Variants in SAMD5 observed in about 807,000 individuals in gnomAD.
SAMD5 encodes the protein sterile alpha motif domain-containing protein 5.
SAMD5 carries 13 observed loss-of-function variants against 11.3 expected under a neutral mutation model. The observed-to-expected ratio is 1.15, with a 90% CI of 0.75 to 1.83. The LOEUF is 1.83. SAMD5 is among the 40% of genes most tolerant of loss of function. SAMD5 has a pLI of 0.00. For synonymous variants in SAMD5, 129 were observed against 111.3 expected (o/e 1.16, Z -1.00); for missense variants, 255 against 239.1 (o/e 1.07, Z -0.44).
chr6:147,808,404 A>G, the SAMD5 span, among the ~76,000 whole-genome samples: 2 of 152,048 alleles, frequency 1.3e-5, no homozygotes, highest in African/African-American at 4.8e-5. Context: ...GAGTCTCACT[A>G]TGTTGCCCAG....
chr6:147,846,739 A>G, the SAMD5 span, among the ~76,000 whole-genome samples: 1 of 152,158 alleles, frequency 6.6e-6, no homozygotes, highest in Non-Finnish European at 1.5e-5. Flanking sequence ...AGAATTGCTT[A>G]AACCTGGGAG....
chr6:147,569,685 T>C lies in SAMD5; in HGVS notation c.*5229T>C. The C allele has an allele frequency of 2.0e-6, 2 of 985,378 alleles. No individual in the cohort carries two copies. Among genetic ancestry groups the C allele is most frequent in the Non-Finnish European group, 2.4e-6 (2 of 829,882 alleles). The allele number at this position is 985,378 out of a possible 1,614,324, so 61.0% of individuals were successfully genotyped here. A position where few individuals can be genotyped will look rare whatever the true frequency, so the allele number is the denominator to read the frequency against. The stretch of plus-strand genomic sequence containing the variant: ...CCCTGTTCCCCAAGCTTGTCAATGT[T>C]TAGAGATACTATTCGGGTTGCTAAA... On this transcript the variant is annotated 3_prime_UTR_variant, in exon 2 of 2. Coordinates refer to ENST00000367474, the MANE Select transcript of SAMD5 (RefSeq NM_001030060.3).
intron 1 of SAMD5, among the ~76,000 whole-genome samples, chr6:147,558,785 C>T (rs1005096476): frequency 6.6e-6 from 1 of 151,954 alleles, no homozygotes; most frequent in Non-Finnish European, 1.5e-5. Flanking sequence ...TTACCCCACT[C>T]CCCTTTAAGG....
intron 1 of SAMD5, among the ~76,000 whole-genome samples, chr6:147,597,565 A>T (rs988429367): frequency 6.6e-6 from 1 of 152,234 alleles, no homozygotes; most frequent in Admixed American, 6.5e-5. Flanking sequence ...AAGCGTACTT[A>T]CAAAATTAAA....
At chr6:147,936,347 A>C in the SAMD5 span, among the ~76,000 whole-genome samples, 19 of 151,736 alleles carry the variant, frequency 1.3e-4, no homozygotes, top group Admixed American at 1.2e-3. Context: ...TAGCACTAGC[A>C]TCTGCTTCTG....
chr6:147,643,067 A>G (rs771366492), intron 1 of SAMD5, among the ~76,000 whole-genome samples: 3 of 152,194 alleles, frequency 2.0e-5, no homozygotes, highest in Non-Finnish European at 2.9e-5. Flanking sequence ...CTGGTGAGGA[A>G]TACTTCAGCT....
intron 1 of SAMD5, among the ~76,000 whole-genome samples, chr6:147,615,689 A>G (rs2050186): frequency 0.1 from 15,407 of 152,262 alleles, 980 homozygotes; most frequent in Middle Eastern, 0.19. Context: ...TCCAAATATT[A>G]ATAAATATTT....
chr6:147,763,017 A>G, the SAMD5 span, among the ~76,000 whole-genome samples: 1 of 152,202 alleles, frequency 6.6e-6, no homozygotes, highest in Non-Finnish European at 1.5e-5. Flanking sequence ...CAAAATTTTA[A>G]AAAAAGCTTG....
chr6:147,864,094 G>T, the SAMD5 span, among the ~76,000 whole-genome samples: 1 of 151,708 alleles, frequency 6.6e-6, no homozygotes, highest in South Asian at 2.1e-4. Flanking sequence ...AACCCACTTC[G>T]GTCTCCCAAA....
Position 147,568,683 on chromosome 6 carries a change from T to G in SAMD5, c.*4227T>G. On this transcript the variant is annotated 3_prime_UTR_variant, in exon 2 of 2. Coordinates refer to ENST00000367474, the MANE Select transcript of SAMD5 (RefSeq NM_001030060.3). ...AATGAGTTGTGCAGAGCAGAGCAAA[T>G]CTATTAGGCTTTCTCTTTTAGAGTT... 1.0e-6 allele frequency: 1 copy of G among 985,320 alleles called. No homozygotes were observed. The highest frequency in any genetic ancestry group is 1.2e-6 in the Non-Finnish European group (1 of 829,856). The allele number at this position is 985,320 out of a possible 1,614,324, so 61.0% of individuals were successfully genotyped here.
the SAMD5 span, among the ~76,000 whole-genome samples, chr6:147,820,438 G>A: frequency 2.0e-5 from 3 of 152,024 alleles, no homozygotes; most frequent in Admixed American, 1.3e-4. Context: ...AAGAAAACAG[G>A]CTTTTCTCAC....
chr6:147,564,658 G>A lies in SAMD5; in HGVS notation c.*202G>A, dbSNP rs538915816. 38 of 1,350,764 alleles carry A rather than the reference G, an allele frequency of 2.8e-5. No individual in the cohort carries two copies. The East Asian group carries it at 8.9e-4, about 32-fold the overall frequency. The allele number at this position is 1,350,764 out of a possible 1,614,324, so 83.7% of individuals were successfully genotyped here. On this transcript the variant is annotated 3_prime_UTR_variant, in exon 2 of 2. Transcript: ENST00000367474. The stretch of plus-strand genomic sequence containing the variant: ...TTATAACAGCTAGAAATAAGGCAGT[G>A]AACTATCACGCATAAAGAAGTATTG...
chr6:147,673,219 T>A, intron 1 of SAMD5, among the ~76,000 whole-genome samples: 1 of 123,132 alleles, frequency 8.1e-6, no homozygotes, highest in African/African-American at 2.9e-5. Flanking sequence ...CAAAAACCAT[T>A]TTTTTTTTTT....
chr6:147,523,124 C>A (rs929351379), intron 1 of SAMD5, among the ~76,000 whole-genome samples: 23 of 152,076 alleles, frequency 1.5e-4, no homozygotes, highest in African/African-American at 5.6e-4. Context: ...CACCCCAGAC[C>A]TTTCAGTGAA....
At chr6:147,777,432 C>T in the SAMD5 span, among the ~76,000 whole-genome samples, 1 of 152,172 alleles carries the variant, frequency 6.6e-6, no homozygotes, top group African/African-American at 2.4e-5. Context: ...AAACTATTTG[C>T]TTGGCCTCCA....
At chr6:147,529,661 T>G (rs755879004) in intron 1 of SAMD5, among the ~76,000 whole-genome samples, 1 of 152,220 alleles carries the variant, frequency 6.6e-6, no homozygotes. Flanking sequence ...AATGATTTCC[T>G]TGGGTCATTT....
In SAMD5 at chr6:147,567,098, A is replaced by G; in HGVS notation, c.*2642A>G. On this transcript the variant is annotated 3_prime_UTR_variant, in exon 2 of 2. Coordinates refer to ENST00000367474, the MANE Select transcript of SAMD5 (RefSeq NM_001030060.3). ...ATAATATTGAGGAGTCTGGAGGGTCATAGCAAAATTTTCTTTAGTTCATCT... is the reference window on the plus strand; with the variant it reads ...ATAATATTGAGGAGTCTGGAGGGTCGTAGCAAAATTTTCTTTAGTTCATCT... The G allele has an allele frequency of 5.1e-6, 5 of 980,726 alleles. No individual in the cohort carries two copies. The highest frequency in any genetic ancestry group is 6.1e-6 in the Non-Finnish European group (5 of 825,672). 60.8% of individuals were successfully genotyped at this position (980,726 alleles called of 1,614,324 possible).
At chr6:147,929,170 A>C in the SAMD5 span, among the ~76,000 whole-genome samples, 1 of 152,198 alleles carries the variant, frequency 6.6e-6, no homozygotes, top group Non-Finnish European at 1.5e-5. Flanking sequence ...TTTGCCCAGT[A>C]AGTTCAGTTG....
At chr6:147,896,299 A>C in the SAMD5 span, among the ~76,000 whole-genome samples, 2 of 152,098 alleles carry the variant, frequency 1.3e-5, no homozygotes, top group Non-Finnish European at 2.9e-5. Flanking sequence ...GGAGCTCAGC[A>C]TCACTGCAGA....
Sources: allele counts gnomAD v4.1 joint callset (sites outside exome capture counted in the v4.1 genomes callset), GRCh38; gene constraint gnomAD v4.1.1; transcripts MANE v1.5; gene names NCBI Gene and HGNC (gene_info 2026-07-23, HGNC 2026-07-21).